PACRG: variants seen among roughly 807,000 people sequenced by gnomAD.
PACRG encodes the protein parkin coregulated gene protein.
PACRG carries 29 observed loss-of-function variants against 29.7 expected under a neutral mutation model. That is an observed-to-expected ratio of 0.98 (90% CI 0.73 to 1.33). PACRG has a LOEUF of 1.33. Among genes scored for constraint, PACRG ranks in the 40% most tolerant of loss-of-function variants. The pLI is 0.00. For missense variants in PACRG, 279 were observed against 316.2 expected, an observed-to-expected ratio of 0.88 and a Z score of 0.89; for synonymous variants, 116 against 118.7, an observed-to-expected ratio of 0.98 and a Z score of 0.15.
intron 4 of PACRG, among the ~76,000 whole-genome samples, chr6:163,212,460 G>A (rs1344600095): frequency 6.6e-6 from 1 of 152,110 alleles, no homozygotes; most frequent in Admixed American, 6.5e-5. Flanking sequence ...GTCCAAGAAT[G>A]ATCTTGGAAC....
At chr6:163,261,770 A>G (rs1372148993) in intron 4 of PACRG, among the ~76,000 whole-genome samples, 1 of 152,304 alleles carries the variant, frequency 6.6e-6, no homozygotes, top group South Asian at 2.1e-4. Context: ...TATAACAACT[A>G]TTTACATAGC....
chr6:163,266,463 G>A (rs1457202335), intron 4 of PACRG, among the ~76,000 whole-genome samples: 1 of 152,158 alleles, frequency 6.6e-6, no homozygotes. Context: ...CCTGGTCTGT[G>A]TTGTCAGGAC....
intron 2 of PACRG, among the ~76,000 whole-genome samples, chr6:162,904,798 A>G (rs1795813996): frequency 6.6e-6 from 1 of 152,202 alleles, no homozygotes; most frequent in Non-Finnish European, 1.5e-5. Context: ...AATGACAAGG[A>G]AAAAAGCTTA....
At chr6:162,937,020 T>G (rs1229282438) in intron 2 of PACRG, among the ~76,000 whole-genome samples, 2 of 152,168 alleles carry the variant, frequency 1.3e-5, no homozygotes, top group Non-Finnish European at 2.9e-5. Flanking sequence ...GAGTTGAATT[T>G]GAAATACACT....
chr6:163,000,424 T>A (rs927729497), intron 2 of PACRG, among the ~76,000 whole-genome samples: 2 of 152,128 alleles, frequency 1.3e-5, no homozygotes, highest in Non-Finnish European at 2.9e-5. Context: ...TGCACTCCCA[T>A]CACACTCCCC....
At chr6:162,918,520 C>CT (rs1796851850) in intron 2 of PACRG, among the ~76,000 whole-genome samples, 1 of 152,048 alleles carries the variant, frequency 6.6e-6, no homozygotes, top group African/African-American at 2.4e-5. Flanking sequence ...GGCACCAGCA[C>CT]AATGATTCCA....
intron 1 of PACRG, among the ~76,000 whole-genome samples, chr6:162,789,780 A>G (rs1326567649): frequency 6.6e-6 from 1 of 152,162 alleles, no homozygotes; most frequent in Non-Finnish European, 1.5e-5. Flanking sequence ...ATTGCCCTCT[A>G]AATAACCAGG....
chr6:163,252,600 C>A (rs1011162864), intron 4 of PACRG, among the ~76,000 whole-genome samples: 3 of 152,240 alleles, frequency 2.0e-5, no homozygotes, highest in Non-Finnish European at 4.4e-5. Flanking sequence ...CATCTTTCCA[C>A]TCCTAAGTTT....
intron 4 of PACRG, among the ~76,000 whole-genome samples, chr6:163,306,521 T>C (rs1438925821): frequency 1.3e-5 from 2 of 152,180 alleles, no homozygotes; most frequent in Admixed American, 1.3e-4. Context: ...TCAATTGGTA[T>C]GTAAAAAAGA....
At chr6:162,787,582 GTATATATATATA>G (rs869254835) in intron 1 of PACRG, among the ~76,000 whole-genome samples, 23 of 62,410 alleles carry the variant, frequency 3.7e-4, no homozygotes, top group South Asian at 1.4e-3. Context: ...GTGTGTGTGT[GTATATATATATA>G]TATATATATA....
intron 4 of PACRG, among the ~76,000 whole-genome samples, chr6:163,181,325 G>A (rs1302932506): frequency 1.3e-5 from 2 of 152,142 alleles, no homozygotes; most frequent in Non-Finnish European, 2.9e-5. Context: ...ACTCAGCCCC[G>A]ATCTCTGTGG....
At chr6:163,078,212 G>T (rs1244424934) in intron 3 of PACRG, among the ~76,000 whole-genome samples, 1 of 152,032 alleles carries the variant, frequency 6.6e-6, no homozygotes, top group Non-Finnish European at 1.5e-5. Flanking sequence ...TAAAATTGGG[G>T]CAATAGGACC....
At chr6:163,258,655 GC>G (rs1320043370) in intron 4 of PACRG, among the ~76,000 whole-genome samples, 1 of 151,854 alleles carries the variant, frequency 6.6e-6, no homozygotes, top group East Asian at 1.9e-4. Flanking sequence ...TACTCGGGAG[GC>G]TGAGGCAGGA....
rs1392857025 is a variant in PACRG at position 163,315,056 on chromosome 6, A to G, written c.*69A>G. 2 of 1,517,832 alleles carry G rather than the reference A, an allele frequency of 1.3e-6. No individual in the cohort carries two copies. Among genetic ancestry groups the G allele is most frequent in the Non-Finnish European group, 1.8e-6 (2 of 1,116,040 alleles). The allele number at this position is 1,517,832 out of a possible 1,614,324, so 94.0% of individuals were successfully genotyped here. ...ATCATCTGTCTCTGTTGCTTTTAGC[A>G]TCTCATTCCTTGTGACTTCCACAGC... On this transcript the variant is annotated 3_prime_UTR_variant, in exon 5 of 5. Coordinates refer to ENST00000366888, the MANE Select transcript of PACRG (RefSeq NM_001080379.2).
rs149134080 is a variant in PACRG, at chr6:162,913,185, C to G, written c.291+98904C>G. ...TGTACAATCTGCTAAATGTTGGCCT[C>G]TGTATACACCCATGAACCATCTCAG... On this transcript the variant is annotated intron_variant, in intron 2 of 4. Coordinates refer to ENST00000366888, the MANE Select transcript of PACRG (RefSeq NM_001080379.2). Among the ~76,000 whole-genome samples the G allele has an allele frequency of 1.3e-3, 204 of 152,308 alleles. 1 individual carries two copies. The highest frequency in any genetic ancestry group is 4.6e-3 in the African/African-American group (190 of 41,566).
At chr6:162,808,121 A>G (rs1381008131) in intron 1 of PACRG, among the ~76,000 whole-genome samples, 1 of 152,196 alleles carries the variant, frequency 6.6e-6, no homozygotes, top group African/African-American at 2.4e-5. Flanking sequence ...TTTCTGATGT[A>G]GTGAAGCAAT....
chr6:162,862,623 G>C (rs1032944775), intron 2 of PACRG, among the ~76,000 whole-genome samples: 1 of 152,150 alleles, frequency 6.6e-6, no homozygotes, highest in Non-Finnish European at 1.5e-5. Context: ...AAAGATCCAG[G>C]ACTAGTACAG....
intron 2 of PACRG, among the ~76,000 whole-genome samples, chr6:163,014,365 T>A (rs755149177): frequency 6.6e-6 from 1 of 152,208 alleles, no homozygotes; most frequent in Non-Finnish European, 1.5e-5. Context: ...CTTTTGGATA[T>A]GTGCCCATTA....
chr6:162,955,108 C>T (rs1018490940), intron 2 of PACRG, among the ~76,000 whole-genome samples: 4 of 152,050 alleles, frequency 2.6e-5, no homozygotes, highest in African/African-American at 4.8e-5. Flanking sequence ...TCTGTAGTTG[C>T]TCACACTTAC....
Sources: gnomAD v4.1 joint callset for allele counts (sites outside exome capture counted in the v4.1 genomes callset) on GRCh38, gnomAD v4.1.1 for gene constraint, MANE v1.5 for transcripts, NCBI Gene and HGNC (gene_info 2026-07-23, HGNC 2026-07-21) for gene names.